JHY: variants seen among roughly 807,000 people sequenced by gnomAD.
JHY encodes jhy protein homolog.
JHY carries 69 observed loss-of-function variants against 78.0 expected under a neutral mutation model. The observed-to-expected ratio is 0.88, with a 90% CI of 0.73 to 1.08. The LOEUF (loss-of-function observed/expected upper bound fraction) is 1.08, where lower values mean the gene tolerates loss of function less well. JHY is among the 50% of genes least tolerant of loss of function. The pLI, the probability that JHY is intolerant of heterozygous loss-of-function variation, is 0.00. For missense variants in JHY, 944 were observed against 927.8 expected (o/e 1.02, Z -0.23); for synonymous variants, 368 against 342.6 (o/e 1.07, Z -0.82).
chr11:122,961,126 A>C lies in JHY; in HGVS notation c.*1681A>C. The C allele has an allele frequency of 1.2e-6, 1 of 807,620 alleles. No individual in the cohort carries two copies. Among genetic ancestry groups the C allele is most frequent in the South Asian group, 1.5e-5 (1 of 65,782 alleles). The allele number at this position is 807,620 out of a possible 1,614,324, so 50.0% of individuals were successfully genotyped here. A position where few individuals can be genotyped will look rare whatever the true frequency, so the allele number is the denominator to read the frequency against. ...CAATTGAGAGAGCCAGAAACAGTTGACTGACTAAATGGAAACTAGGCTATG... is the reference window on the plus strand; with the variant it reads ...CAATTGAGAGAGCCAGAAACAGTTGCCTGACTAAATGGAAACTAGGCTATG... On this transcript the variant is annotated 3_prime_UTR_variant, in exon 9 of 9. Coordinates refer to ENST00000227349, the MANE Select transcript of JHY (RefSeq NM_024806.4).
chr11:122,892,960 G>C (rs1263754243), intron 2 of JHY, among the ~76,000 whole-genome samples: 1 of 152,160 alleles, frequency 6.6e-6, no homozygotes, highest in Non-Finnish European at 1.5e-5. Context: ...GGTCTAATAT[G>C]CTAGGACTAT....
Position 122,957,485 on chromosome 11 carries a change from G to A in JHY, c.2133G>A (p.Arg711=), listed in dbSNP as rs1864217420. ...EKTQKKSAIP[R]QKALEYAKTI... ...CTCAAAAGAAATCTGCTATCCCTCG[G>A]CAGAAGGTAAGAAATTCTCAACAAG... The change falls in exon 8 of 9, where the codon CGG becomes CGA. Residue 711 remains arginine (R), a synonymous_variant. Transcript: ENST00000227349. The A allele has an allele frequency of 6.6e-7, 1 of 1,523,840 alleles. No individual in the cohort carries two copies. The highest frequency in any genetic ancestry group is 2.5e-5 in the Admixed American group (1 of 39,368). The allele number at this position is 1,523,840 out of a possible 1,614,324, so 94.4% of individuals were successfully genotyped here.
At chr11:122,937,243 T>C (rs1357945908) in intron 5 of JHY, among the ~76,000 whole-genome samples, 1 of 17,862 alleles carries the variant, frequency 5.6e-5, no homozygotes, top group Non-Finnish European at 1.0e-4. Flanking sequence ...TTTTCATTTC[T>C]TTTTTTTTTT....
At chr11:122,921,578 T>C (rs1863367443) in intron 3 of JHY, among the ~76,000 whole-genome samples, 1 of 152,238 alleles carries the variant, frequency 6.6e-6, no homozygotes, top group African/African-American at 2.4e-5. Context: ...TTGAACATCA[T>C]GGTTATATGG....
intron 3 of JHY, among the ~76,000 whole-genome samples, chr11:122,908,944 C>G (rs1845645667): frequency 1.3e-5 from 2 of 152,136 alleles, no homozygotes; most frequent in Admixed American, 6.5e-5. Context: ...GAAGAATACA[C>G]AAAAAGTATA....
At chr11:122,956,297 G>C (rs1864188271) in intron 6 of JHY, among the ~76,000 whole-genome samples, 199 bp from the exon 7 acceptor site, 1 of 152,116 alleles carries the variant, frequency 6.6e-6, no homozygotes, top group Non-Finnish European at 1.5e-5. Context: ...AACCAGCTAC[G>C]AATTACCAAA....
chr11:122,924,539 G>A (rs749201850), intron 3 of JHY, among the ~76,000 whole-genome samples: 6 of 152,268 alleles, frequency 3.9e-5, no homozygotes, highest in South Asian at 2.1e-4. Flanking sequence ...TCATCTTGGC[G>A]TATAGTGTTA....
chr11:122,922,452 A>G (rs184292045), intron 3 of JHY, among the ~76,000 whole-genome samples: 1 of 152,340 alleles, frequency 6.6e-6, no homozygotes, highest in East Asian at 1.9e-4. Flanking sequence ...ACATTTACTT[A>G]TCACTTAATA....
At chr11:122,901,439 CTTT>C (rs1215970506) in intron 2 of JHY, among the ~76,000 whole-genome samples, 1 of 137,970 alleles carries the variant, frequency 7.2e-6, no homozygotes, top group Non-Finnish European at 1.5e-5. Flanking sequence ...GCTACTGTAA[CTTT>C]TTTATTTTAT....
chr11:122,900,248 C>T (rs1268197635), intron 2 of JHY, among the ~76,000 whole-genome samples: 1 of 152,194 alleles, frequency 6.6e-6, no homozygotes, highest in Admixed American at 6.5e-5. Flanking sequence ...TGGCTTTTTG[C>T]TCCAGTTGTT....
At chr11:122,932,871 G>T (rs1863665406) in intron 4 of JHY, among the ~76,000 whole-genome samples, 1 of 152,128 alleles carries the variant, frequency 6.6e-6, no homozygotes, top group Non-Finnish European at 1.5e-5. Context: ...ATACAGAAGA[G>T]AAGTTTTCCC....
At chr11:122,912,061 C>A (rs962219329) in intron 3 of JHY, among the ~76,000 whole-genome samples, 1 of 151,312 alleles carries the variant, frequency 6.6e-6, no homozygotes, top group Non-Finnish European at 1.5e-5. Context: ...CTGGGGTGGG[C>A]GGATCACCTG....
intron 3 of JHY, among the ~76,000 whole-genome samples, chr11:122,921,298 T>C (rs1407630589): frequency 6.6e-6 from 1 of 152,212 alleles, no homozygotes; most frequent in Non-Finnish European, 1.5e-5. Flanking sequence ...TCAACAGTAA[T>C]AACCTGAATT....
At chr11:122,902,014 C>T (rs1862871469) in intron 2 of JHY, among the ~76,000 whole-genome samples, 1 of 152,052 alleles carries the variant, frequency 6.6e-6, no homozygotes, top group African/African-American at 2.4e-5. Flanking sequence ...ACTGGAAGGT[C>T]TTCAGGGGCA....
At chr11:122,951,136 T>C (rs562132883) in intron 6 of JHY, among the ~76,000 whole-genome samples, 1 of 152,276 alleles carries the variant, frequency 6.6e-6, no homozygotes, top group Non-Finnish European at 1.5e-5. Flanking sequence ...TCCAAGAGAA[T>C]CGCCCTGAAT....
In JHY at chr11:122,905,183, A is replaced by T. The variant is rs1487980120; in HGVS notation, c.864+739A>T. The T allele has an allele frequency of 2.5e-6, 4 of 1,613,734 alleles. No individual in the cohort carries two copies. The African/African-American group carries it at 5.3e-5, about 22-fold the overall frequency. ...CTCTTCCTCATCAGGTCATTTTGAG[A>T]GTAAATTCTCTCCCACGTGATGGAT... On this transcript the variant is annotated intron_variant, in intron 3 of 8. Transcript: ENST00000227349.
At position 122,924,907 on chromosome 11, in the gene JHY, C is replaced by T. The variant is rs1314468682; in HGVS notation, c.875C>T (p.Pro292Leu). 1.2e-6 allele frequency: 2 copies of T among 1,613,116 alleles called. No homozygotes were observed. The highest frequency in any genetic ancestry group is 1.3e-5 in the African/African-American group (1 of 75,004). ...GESHPEQISY[P>L]VRVTDKTSIQ... ...GTTTTACCTACCTAGATCTCCTACC[C>T]CGTCAGAGTAACAGACAAGACGTCT... The change falls in exon 4 of 9, where the codon CCC becomes CTC. Residue 292 changes from proline (P) to leucine (L), a missense_variant. By Grantham distance (98) the Pro-to-Leu change is moderately conservative (BLOSUM62 -3). Coordinates refer to ENST00000227349, the MANE Select transcript of JHY (RefSeq NM_024806.4).
intron 2 of JHY, among the ~76,000 whole-genome samples, chr11:122,886,579 ACT>A (rs1420746264): frequency 6.6e-6 from 1 of 151,854 alleles, no homozygotes; most frequent in African/African-American, 2.4e-5. Context: ...AAATCACTTA[ACT>A]CTTTTTTTTA....
intron 2 of JHY, among the ~76,000 whole-genome samples, chr11:122,895,199 A>G (rs1862713716): frequency 6.6e-6 from 1 of 152,262 alleles, no homozygotes; most frequent in Non-Finnish European, 1.5e-5. Flanking sequence ...GTTCATATGC[A>G]TAAAAGATTT....
Sources: gnomAD v4.1 joint callset for allele counts (sites outside exome capture counted in the v4.1 genomes callset) on GRCh38, gnomAD v4.1.1 for gene constraint, MANE v1.5 for transcripts, NCBI Gene and HGNC (gene_info 2026-07-23, HGNC 2026-07-21) for gene names.